PSMA8: variants seen among roughly 807,000 people sequenced by gnomAD.
The protein encoded by PSMA8 is proteasome subunit alpha-type 8.
A neutral mutation model predicts 32.4 loss-of-function variants in PSMA8; 18 were observed. The ratio of observed to expected loss-of-function variants is 0.56; its 90% CI spans 0.38 to 0.82. The LOEUF is 0.82. Among genes scored for constraint, PSMA8 ranks in the 40% least tolerant of loss-of-function variants. The pLI is 0.00. For missense variants in PSMA8, 298 were observed against 300.7 expected (o/e 0.99, Z 0.07); for synonymous variants, 104 against 98.1 (o/e 1.06, Z -0.36).
At chr18:26,148,044 A>G (rs940684485) in intron 2 of PSMA8, among the ~76,000 whole-genome samples, 5 of 152,176 alleles carry the variant, frequency 3.3e-5, no homozygotes, top group Non-Finnish European at 7.4e-5. Context: ...AAACCTCCCA[A>G]CAAAGGAAAG....
chr18:26,181,516 T>TA (rs1054922401), intron 6 of PSMA8, among the ~76,000 whole-genome samples: 6 of 151,938 alleles, frequency 3.9e-5, no homozygotes, highest in Admixed American at 3.3e-4. Context: ...GAGTTTTAAA[T>TA]AAAAAAACTA....
intron 4 of PSMA8, among the ~76,000 whole-genome samples, chr18:26,159,656 G>C (rs2055119657): frequency 1.3e-5 from 2 of 151,906 alleles, no homozygotes; most frequent in African/African-American, 4.8e-5. Context: ...TTGCTTCTTA[G>C]GGACGTACAG....
intron 4 of PSMA8, among the ~76,000 whole-genome samples, chr18:26,159,341 T>C (rs997537921): frequency 6.6e-6 from 1 of 152,186 alleles, no homozygotes; most frequent in African/African-American, 2.4e-5. Context: ...AATATCAGAA[T>C]ACTTATGTTA....
Position 26,134,038 on chromosome 18 carries a change from C to G in PSMA8, c.73C>G (p.Gln25Glu). Residue 25 changes from glutamine to glutamate, a missense_variant, in exon 1 of 7, where the codon CAG becomes GAG. Coordinates refer to ENST00000415576, the MANE Select transcript of PSMA8 (RefSeq NM_001025096.2). ...ACACCTTTTTCAAGTTGAATATGCC[C>G]AGGAAGCGGTGAAGAAAGGATCCAC... The part of the protein sequence containing the change: ...DGHLFQVEYA[Q>E]EAVKKGSTAV... 6.2e-7 allele frequency: 1 copy of G among 1,613,888 alleles called. No homozygotes were observed. Among genetic ancestry groups the G allele is most frequent in the Non-Finnish European group, 8.5e-7 (1 of 1,179,850 alleles).
At position 26,169,803 on chromosome 18, in the gene PSMA8, A is replaced by T. The variant is rs1424780218; in HGVS notation, c.478-9027A>T. Among the ~76,000 whole-genome samples the T allele has an allele frequency of 2.4e-5, 3 of 124,322 alleles. 1 individual carries two copies. The highest frequency in any genetic ancestry group is 1.4e-4 in the African/African-American group (3 of 20,962). 81.6% of individuals were successfully genotyped at this position (124,322 alleles called of 152,430 possible). A position where few individuals can be genotyped will look rare whatever the true frequency, so the allele number is the denominator to read the frequency against. On this transcript the variant is annotated intron_variant, in intron 4 of 6. Transcript: ENST00000415576. ...GGAGGTTGCAGTAAGCCGAGGTCAC[A>T]CCATTGCATGCTAGCCTGGGCAACA...
intron 6 of PSMA8, among the ~76,000 whole-genome samples, chr18:26,184,220 A>G (rs2144354416): frequency 6.6e-6 from 1 of 150,766 alleles, no homozygotes; most frequent in South Asian, 2.1e-4. Flanking sequence ...CAGAGAGAGA[A>G]TATCAATATG....
chr18:26,172,043 T>C (rs1490148936), intron 4 of PSMA8, among the ~76,000 whole-genome samples: 1 of 152,234 alleles, frequency 6.6e-6, no homozygotes, highest in African/African-American at 2.4e-5. Flanking sequence ...AGAGTCTCCT[T>C]GTTTTATAGC....
chr18:26,143,736 T>G (rs1166281142), intron 1 of PSMA8, among the ~76,000 whole-genome samples: 4 of 152,204 alleles, frequency 2.6e-5, no homozygotes, highest in African/African-American at 9.6e-5. Context: ...TTTCTTTTTT[T>G]TTTGAGCTTG....
At chr18:26,181,499 G>A (rs1216749233) in intron 6 of PSMA8, among the ~76,000 whole-genome samples, 1 of 152,136 alleles carries the variant, frequency 6.6e-6, no homozygotes, top group Admixed American at 6.6e-5. Flanking sequence ...TCTCATGTCT[G>A]TCACATGAGT....
At chr18:26,189,101 T>C (rs906640077) in intron 6 of PSMA8, among the ~76,000 whole-genome samples, 1 of 152,002 alleles carries the variant, frequency 6.6e-6, no homozygotes, top group Non-Finnish European at 1.5e-5. Context: ...CTGACAAGGG[T>C]TTAATAACCA....
intron 4 of PSMA8, among the ~76,000 whole-genome samples, chr18:26,158,808 T>A (rs1427178205): frequency 6.6e-6 from 1 of 152,164 alleles, no homozygotes; most frequent in African/African-American, 2.4e-5. Context: ...TCAAATCCAA[T>A]ACAAAAGTAT....
At chr18:26,144,814 G>A (rs1372875184) in intron 2 of PSMA8, 129 bp downstream of exon 2, 19 of 755,958 alleles carry the variant, frequency 2.5e-5, no homozygotes, top group East Asian at 8.6e-5. Context: ...TATATCCTAC[G>A]TTTTAAAGCA....
At chr18:26,161,348 A>G (rs118131365) in intron 4 of PSMA8, among the ~76,000 whole-genome samples, 134 of 152,328 alleles carry the variant, frequency 8.8e-4, no homozygotes, top group Admixed American at 2.8e-3. Flanking sequence ...GGCTCAGGGT[A>G]CATACAGGAT....
At chr18:26,134,326 A>G (rs561978572) in intron 1 of PSMA8, among the ~76,000 whole-genome samples, 10 of 150,324 alleles carry the variant, frequency 6.7e-5, no homozygotes, top group Non-Finnish European at 1.5e-4. Context: ...ACGCAAAACT[A>G]GGGTGTGTGT....
At chr18:26,171,378 C>A in intron 4 of PSMA8, 1 of 1,277,278 alleles carries the variant, frequency 7.8e-7, no homozygotes, top group Non-Finnish European at 1.1e-6. Flanking sequence ...TTATGACATA[C>A]CAAGCAGACT....
At chr18:26,182,285 C>A (rs1036115198) in intron 6 of PSMA8, among the ~76,000 whole-genome samples, 6 of 152,184 alleles carry the variant, frequency 3.9e-5, no homozygotes, top group Non-Finnish European at 7.3e-5. Context: ...GATGAAACAG[C>A]TTTCTGCTGG....
chr18:26,169,567 T>G (rs1304247160), intron 4 of PSMA8, among the ~76,000 whole-genome samples: 2 of 129,692 alleles, frequency 1.5e-5, no homozygotes, highest in Non-Finnish European at 3.0e-5. Flanking sequence ...GTGCCGGGTG[T>G]GGTGGCTCAA....
chr18:26,147,323 C>T (rs1310563332), intron 2 of PSMA8, among the ~76,000 whole-genome samples: 1 of 149,770 alleles, frequency 6.7e-6, no homozygotes, highest in Non-Finnish European at 1.5e-5. Flanking sequence ...TCCACAAACA[C>T]GTGGAGTTAA....
chr18:26,148,749 T>C (rs910766375), intron 2 of PSMA8, among the ~76,000 whole-genome samples: 56 of 152,198 alleles, frequency 3.7e-4, no homozygotes, highest in African/African-American at 1.2e-3. Flanking sequence ...GACATGATCT[T>C]ATATAGAATA....
Sources: allele counts gnomAD v4.1 joint callset (sites outside exome capture counted in the v4.1 genomes callset), GRCh38; gene constraint gnomAD v4.1.1; transcripts MANE v1.5; gene names NCBI Gene and HGNC (gene_info 2026-07-23, HGNC 2026-07-21).